Variants in FSIP1 observed in about 807,000 individuals in gnomAD.
The protein encoded by FSIP1 is fibrous sheath-interacting protein 1.
Under a neutral mutation model 60.9 loss-of-function variants are expected in FSIP1, and 65 were observed. That is an observed-to-expected ratio of 1.07 (90% confidence interval 0.87 to 1.31). The LOEUF (loss-of-function observed/expected upper bound fraction) is 1.31. Ranked by LOEUF, FSIP1 falls within the 40% of genes most tolerant of loss-of-function variation. The pLI is 0.00. For synonymous variants in FSIP1, 209 were observed against 221.2 expected, an observed-to-expected ratio of 0.94 and a Z score of 0.49; for missense variants, 675 against 665.5, an observed-to-expected ratio of 1.01 and a Z score of -0.16.
At chr15:39,716,238 A>G (rs1895733868) in intron 9 of FSIP1, among the ~76,000 whole-genome samples, 1 of 152,238 alleles carries the variant, frequency 6.6e-6, no homozygotes, top group Non-Finnish European at 1.5e-5. Context: ...ACACATGGTA[A>G]TCTGCAAAAC....
At chr15:39,666,963 A>T (rs1394436453) in intron 10 of FSIP1, among the ~76,000 whole-genome samples, 5 of 152,208 alleles carry the variant, frequency 3.3e-5, no homozygotes, top group Admixed American at 6.5e-5. Flanking sequence ...TCTTGTAAGC[A>T]AACTCTAGAG....
At chr15:39,680,252 A>G (rs1046158948) in intron 10 of FSIP1, among the ~76,000 whole-genome samples, 5 of 152,262 alleles carry the variant, frequency 3.3e-5, no homozygotes, top group Non-Finnish European at 7.3e-5. Flanking sequence ...AAACAAGTTT[A>G]CAAAAGTATC....
intron 10 of FSIP1, among the ~76,000 whole-genome samples, chr15:39,709,506 T>A (rs1895410289): frequency 1.3e-5 from 2 of 152,242 alleles, no homozygotes; most frequent in Admixed American, 1.3e-4. Flanking sequence ...TTTTAGATAC[T>A]ATATATTACA....
rs1000800888 is a variant in FSIP1 at position 39,630,857 on chromosome 15, C to T, written c.1189-12612G>A. 2.2e-4 allele frequency among the ~76,000 whole-genome samples: 34 copies of T among 152,308 alleles called. 1 individual carries two copies. The highest frequency in any genetic ancestry group is 9.1e-4 in the Admixed American group (14 of 15,302). ...TAACATGCCCCCTCCACACTCTATC[C>T]GGCATCTGAAAATGTGATACCACAG... On this transcript the variant is annotated intron_variant, in intron 10 of 11. Coordinates refer to ENST00000350221, the MANE Select transcript of FSIP1 (RefSeq NM_152597.5).
At chr15:39,599,540 T>C (rs184885535), downstream of FSIP1, 17 of 135,406 alleles carry the variant, frequency 1.3e-4, no homozygotes, top group South Asian at 3.1e-3. Context: ...CCCTCCTCCT[T>C]CTTTCTCTCT....
chr15:39,671,141 C>CT (rs1221127946), intron 10 of FSIP1, among the ~76,000 whole-genome samples: 1 of 152,118 alleles, frequency 6.6e-6, no homozygotes. Flanking sequence ...ATGATAATCG[C>CT]TTTTTGAGCA....
At chr15:39,635,918 G>A (rs534527528) in intron 10 of FSIP1, among the ~76,000 whole-genome samples, 4 of 152,186 alleles carry the variant, frequency 2.6e-5, no homozygotes, top group Non-Finnish European at 5.9e-5. Context: ...GGTCTACAGA[G>A]AACAGCCAAA....
intron 10 of FSIP1, among the ~76,000 whole-genome samples, chr15:39,689,157 A>C (rs1894499411): frequency 6.6e-6 from 1 of 152,140 alleles, no homozygotes; most frequent in Non-Finnish European, 1.5e-5. Flanking sequence ...ACTATAAAGG[A>C]TACTACTGAG....
At chr15:39,675,430 T>C (rs1403390945) in intron 10 of FSIP1, among the ~76,000 whole-genome samples, 3 of 151,990 alleles carry the variant, frequency 2.0e-5, no homozygotes, top group Admixed American at 6.6e-5. Context: ...ATAACGAAAA[T>C]CTGAAAATAA....
intron 10 of FSIP1, among the ~76,000 whole-genome samples, chr15:39,676,569 T>C (rs1893952352): frequency 6.6e-6 from 1 of 152,094 alleles, no homozygotes; most frequent in Admixed American, 6.5e-5. Context: ...AAAGGCACAT[T>C]TGCCTTCCCA....
At chr15:39,634,039 A>G (rs72725084) in intron 10 of FSIP1, among the ~76,000 whole-genome samples, 27,559 of 151,888 alleles carry the variant, frequency 0.18, 3,047 homozygotes, top group East Asian at 0.32. Flanking sequence ...CATGTCACTA[A>G]ACGGACTCCC....
rs550738929 is a variant in FSIP1 at position 39,671,545 on chromosome 15, C to T, written c.1188+41899G>A. ...TCTATGCTACTACCCCACTCCTGGG[C>T]GCAACCACCAAATTTTAGTGCCACC... On this transcript the variant is annotated intron_variant, in intron 10 of 11. Transcript: ENST00000350221. Among the ~76,000 whole-genome samples the T allele has an allele frequency of 2.8e-4, 43 of 152,232 alleles. 1 individual carries two copies. In the South Asian group the frequency reaches 6.6e-3, roughly 23 times the overall value.
At chr15:39,763,778 A>T in intron 5 of FSIP1, 43 bp downstream of exon 5, 1 of 963,288 alleles carries the variant, frequency 1.0e-6, no homozygotes, top group Non-Finnish European at 1.7e-6. Context: ...ATATTCCATG[A>T]CTCAGATAAA....
chr15:39,678,127 GTATATT>G, intron 10 of FSIP1, among the ~76,000 whole-genome samples: 1 of 151,810 alleles, frequency 6.6e-6, no homozygotes, highest in Middle Eastern at 3.4e-3. Flanking sequence ...ATATGCATGA[GTATATT>G]TATATCTGTA....
rs1890602268 is a variant in FSIP1 at position 39,600,565 on chromosome 15, C to T, written c.*315G>A. ...TACAAAATTGAATACAGGACAATCA[C>T]AGCACTTCAACGAGTTTTACCCTAA... On this transcript the variant is annotated 3_prime_UTR_variant, in exon 12 of 12. Coordinates refer to ENST00000350221, the MANE Select transcript of FSIP1 (RefSeq NM_152597.5). 1 of 212,926 alleles carries T rather than the reference C, an allele frequency of 4.7e-6. No individual in the cohort carries two copies. Among genetic ancestry groups the T allele is most frequent in the African/African-American group, 2.3e-5 (1 of 42,894 alleles). 13.2% of individuals were successfully genotyped at this position (212,926 alleles called of 1,614,324 possible). A position where few individuals can be genotyped will look rare whatever the true frequency, so the allele number is the denominator to read the frequency against.
intron 4 of FSIP1, 74 bp from the exon 5 acceptor site, chr15:39,763,988 C>T: frequency 1.3e-6 from 1 of 793,320 alleles, no homozygotes; most frequent in Non-Finnish European, 2.2e-6. Context: ...TAAACTCCAA[C>T]ACGGCTCCCA....
chr15:39,612,245 T>A, intron 11 of FSIP1, among the ~76,000 whole-genome samples: 1 of 152,200 alleles, frequency 6.6e-6, no homozygotes, highest in East Asian at 1.9e-4. Flanking sequence ...TTCTCCAGGA[T>A]AGGCCACAAA....
intron 7 of FSIP1, 65 bp from the exon 8 acceptor site, chr15:39,738,266 A>G: frequency 1.1e-6 from 1 of 946,828 alleles, no homozygotes; most frequent in Non-Finnish European, 1.6e-6. Context: ...GAAAAAAAAA[A>G]TGGAATCTGA....
intron 10 of FSIP1, among the ~76,000 whole-genome samples, chr15:39,624,584 G>A (rs563265262): frequency 3.9e-5 from 6 of 152,288 alleles, no homozygotes; most frequent in South Asian, 2.1e-4. Context: ...TATCAATGGC[G>A]CTAAGGATTC....
Sources: allele counts gnomAD v4.1 joint callset (sites outside exome capture counted in the v4.1 genomes callset), GRCh38; gene constraint gnomAD v4.1.1; transcripts MANE v1.5; gene names NCBI Gene and HGNC (gene_info 2026-07-23, HGNC 2026-07-21).